Variants in EPHA6 observed in about 807,000 individuals in gnomAD.
The protein encoded by EPHA6 is ephrin type-A receptor 6.
EPHA6 carries 50 observed loss-of-function variants against 112.0 expected under a neutral mutation model. That is an observed-to-expected ratio of 0.45 (90% CI 0.36 to 0.56). The LOEUF (loss-of-function observed/expected upper bound fraction) is 0.56, where lower values mean the gene tolerates loss of function less well. EPHA6 is among the 20% of genes least tolerant of loss of function. The pLI, the probability that EPHA6 is intolerant of heterozygous loss-of-function variation, is 0.00. For missense variants in EPHA6, 1,280 were observed against 1,417.4 expected (o/e 0.90, Z 1.56); for synonymous variants, 529 against 490.7 (o/e 1.08, Z -1.03).
intron 3 of EPHA6, among the ~76,000 whole-genome samples, chr3:96,994,709 G>GTGTGTATATATATATATA (rs1363786371): frequency 4.1e-5 from 4 of 98,440 alleles, no homozygotes; most frequent in African/African-American, 1.6e-4. Context: ...GTGTGTGTGT[G>GTGTGTATATATATATATA]TATATATATA....
chr3:97,360,474 T>C (rs533456649), intron 5 of EPHA6, among the ~76,000 whole-genome samples: 14 of 152,338 alleles, frequency 9.2e-5, no homozygotes, highest in African/African-American at 3.4e-4. Context: ...TTAAAATTTA[T>C]TCAAATGTTG....
chr3:97,462,494 A>T (rs1017143110), intron 7 of EPHA6, among the ~76,000 whole-genome samples: 1 of 152,188 alleles, frequency 6.6e-6, no homozygotes, highest in Non-Finnish European at 1.5e-5. Flanking sequence ...GAGAAGACTT[A>T]TGTATCATAG....
At position 97,736,106 on chromosome 3, in the gene EPHA6, A is replaced by G; in HGVS notation, c.3116A>G (p.Glu1039Gly). ...CCCAGTGCCCTTCACACCCTGGTGG[A>G]GGACATCCTTGTGTAAGAGGCATAA... is the stretch of plus-strand genomic sequence containing the variant. Reference protein sequence around the residue: ...RNPSALHTLVEDILVMPESPG... With the variant: ...RNPSALHTLVGDILVMPESPG... The change falls in exon 16 of 18, where the codon GAG (glutamate) becomes GGG (glycine). Residue 1039 changes from glutamate to glycine, a missense_variant. This residue lies in a region of EPHA6 where 145 missense variants were observed against 153.3 expected (regional missense o/e 0.95). Coordinates refer to ENST00000389672, the MANE Select transcript of EPHA6 (RefSeq NM_001080448.3). The G allele has an allele frequency of 6.2e-7, 1 of 1,611,498 alleles. No individual in the cohort carries two copies. The highest frequency in any genetic ancestry group is 1.1e-5 in the South Asian group (1 of 90,842).
intron 5 of EPHA6, among the ~76,000 whole-genome samples, chr3:97,374,500 T>G: frequency 6.6e-6 from 1 of 152,114 alleles, no homozygotes; most frequent in African/African-American, 2.4e-5. Flanking sequence ...TTAGTTTTCA[T>G]TTTAGATTCA....
chr3:97,181,748 C>A (rs2076994558), intron 3 of EPHA6, among the ~76,000 whole-genome samples: 1 of 152,012 alleles, frequency 6.6e-6, no homozygotes, highest in Admixed American at 6.6e-5. Context: ...AGTAGCCACA[C>A]AATGGTTGAT....
intron 2 of EPHA6, among the ~76,000 whole-genome samples, chr3:96,978,965 T>G (rs2042641375): frequency 6.8e-6 from 1 of 146,778 alleles, no homozygotes; most frequent in Non-Finnish European, 1.5e-5. Flanking sequence ...GTTAATCTCA[T>G]ATTTTCAGAG....
At chr3:97,702,092 T>C (rs549361078) in intron 14 of EPHA6, among the ~76,000 whole-genome samples, 1 of 152,270 alleles carries the variant, frequency 6.6e-6, no homozygotes, top group African/African-American at 2.4e-5. Context: ...GCCTGTCATA[T>C]AAAGCTCTTT....
chr3:97,753,735 A>G lies in EPHA6; in HGVS notation c.*5034A>G, dbSNP rs1042118392. The stretch of plus-strand genomic sequence containing the variant: ...GTGGCATAAAATCCTTTTAAATTCC[A>G]TCCATTTAACAGGGGAAATAGATGA... On this transcript the variant is annotated 3_prime_UTR_variant, in exon 18 of 18. Coordinates refer to ENST00000389672, the MANE Select transcript of EPHA6 (RefSeq NM_001080448.3). 2.6e-5 allele frequency among the ~76,000 whole-genome samples: 4 copies of G among 152,186 alleles called. No individual in the cohort carries two copies. The highest frequency in any genetic ancestry group is 9.7e-5 in the African/African-American group (4 of 41,446).
chr3:96,907,086 G>T (rs1341949163), intron 2 of EPHA6, among the ~76,000 whole-genome samples: 1 of 151,604 alleles, frequency 6.6e-6, no homozygotes, highest in Non-Finnish European at 1.5e-5. Flanking sequence ...AACTATTATG[G>T]AACGTTATAA....
intron 10 of EPHA6, among the ~76,000 whole-genome samples, chr3:97,505,638 G>A (rs1177723807): frequency 6.6e-6 from 1 of 152,136 alleles, no homozygotes; most frequent in Non-Finnish European, 1.5e-5. Context: ...GAACAGTGCT[G>A]CAATAAACAT....
intron 3 of EPHA6, among the ~76,000 whole-genome samples, chr3:97,060,558 C>T (rs1326378766): frequency 6.6e-6 from 1 of 152,040 alleles, no homozygotes; most frequent in African/African-American, 2.4e-5. Context: ...TTACAAATTT[C>T]CTTGTAACAA....
chr3:97,624,366 A>G (rs1325707717), intron 13 of EPHA6, among the ~76,000 whole-genome samples: 1 of 151,684 alleles, frequency 6.6e-6, no homozygotes, highest in Non-Finnish European at 1.5e-5. Context: ...TATTTGAACC[A>G]TCCTGACATT....
intron 15 of EPHA6, among the ~76,000 whole-genome samples, chr3:97,733,092 A>G (rs1245111516): frequency 6.6e-6 from 1 of 152,030 alleles, no homozygotes; most frequent in Non-Finnish European, 1.5e-5. Flanking sequence ...TCACTCTTAC[A>G]AGGCATGCAT....
At position 97,000,695 on chromosome 3, in the gene EPHA6, A is replaced by G. The variant is rs201302165; in HGVS notation, c.1114+12702A>G. Among the ~76,000 whole-genome samples, 4 of 151,928 alleles carry G rather than the reference A, an allele frequency of 2.6e-5. No homozygotes were observed. The East Asian group carries it at 7.7e-4, about 29-fold the overall frequency. On this transcript the variant is annotated intron_variant, in intron 3 of 17. Coordinates refer to ENST00000389672, the MANE Select transcript of EPHA6 (RefSeq NM_001080448.3). ...CATAGAAATGACATGTATGTAATCAACAAGGTAAAGGTTTTTAGTGTAAGG... is the reference window on the plus strand; with the variant it reads ...CATAGAAATGACATGTATGTAATCAGCAAGGTAAAGGTTTTTAGTGTAAGG...
At chr3:96,988,938 T>C (rs964729891) in intron 3 of EPHA6, among the ~76,000 whole-genome samples, 2 of 152,110 alleles carry the variant, frequency 1.3e-5, no homozygotes, top group African/African-American at 2.4e-5. Flanking sequence ...AAAAATTTTA[T>C]ATACCCCCTA....
intron 2 of EPHA6, among the ~76,000 whole-genome samples, chr3:96,956,639 G>T (rs1177668646): frequency 6.6e-6 from 1 of 152,122 alleles, no homozygotes; most frequent in Non-Finnish European, 1.5e-5. Context: ...CGTTTATTTG[G>T]CAAGAGAAGT....
chr3:97,703,252 C>A (rs935952524), intron 14 of EPHA6, among the ~76,000 whole-genome samples: 1 of 152,094 alleles, frequency 6.6e-6, no homozygotes, highest in Non-Finnish European at 1.5e-5. Context: ...CCAAGACTAA[C>A]GGGAAATGAC....
intron 11 of EPHA6, among the ~76,000 whole-genome samples, chr3:97,561,485 A>G (rs998617314): frequency 6.6e-6 from 1 of 152,206 alleles, no homozygotes; most frequent in African/African-American, 2.4e-5. Flanking sequence ...TCTGATGGAG[A>G]GCAAGGCCCT....
chr3:96,872,308 G>A (rs2036672106), intron 2 of EPHA6, among the ~76,000 whole-genome samples: 1 of 151,994 alleles, frequency 6.6e-6, no homozygotes, highest in Non-Finnish European at 1.5e-5. Context: ...GTGAGCTCAT[G>A]ATTGCCTGGA....
Sources: allele counts gnomAD v4.1 joint callset (sites outside exome capture counted in the v4.1 genomes callset), GRCh38; gene constraint gnomAD v4.1.1; regional missense constraint gnomAD v4.1.1; transcripts MANE v1.5; gene names NCBI Gene and HGNC (gene_info 2026-07-23, HGNC 2026-07-21).